KLHL23: variants seen among roughly 807,000 people sequenced by gnomAD.
KLHL23 encodes the protein kelch like family member 23.
KLHL23 carries 33 observed loss-of-function variants against 48.9 expected under a neutral mutation model. The ratio of observed to expected loss-of-function variants is 0.67; its 90% CI spans 0.51 to 0.90. The LOEUF is 0.90. KLHL23 is among the 40% of genes least tolerant of loss of function. The probability of loss-of-function intolerance (pLI) is 0.00; values close to 1 mark genes in which losing one functional copy is unlikely to be tolerated. For missense variants in KLHL23, 608 were observed against 669.6 expected (o/e 0.91, Z 1.02); for synonymous variants, 234 against 231.6 (o/e 1.01, Z -0.09).
intron 2 of KLHL23, among the ~76,000 whole-genome samples, chr2:169,738,225 G>A (rs1391649559): frequency 6.6e-6 from 1 of 151,952 alleles, no homozygotes; most frequent in Non-Finnish European, 1.5e-5. Flanking sequence ...TTTGGTGGGT[G>A]GACTCATACA....
intron 1 of KLHL23, among the ~76,000 whole-genome samples, chr2:169,734,498 T>G (rs1688464665): frequency 1.3e-5 from 2 of 152,094 alleles, no homozygotes; most frequent in African/African-American, 2.4e-5. Context: ...CGAGCTGCCT[T>G]CCTTTCTCTC....
intron 3 of KLHL23, 119 bp downstream of exon 3, chr2:169,741,656 G>C: frequency 2.4e-6 from 3 of 1,238,244 alleles, no homozygotes; most frequent in Non-Finnish European, 3.2e-6. Flanking sequence ...CACATGGGTA[G>C]AATTAAAAGT....
intron 2 of KLHL23, 27 bp downstream of exon 2, chr2:169,736,254 A>G (rs763853473): frequency 6.4e-7 from 1 of 1,564,824 alleles, no homozygotes; most frequent in Non-Finnish European, 8.6e-7. Context: ...TTTATTTTGT[A>G]TTTTTTAGAT....
At position 169,734,918 on chromosome 2, in the gene KLHL23, G is replaced by A. The variant is rs531231163; in HGVS notation, c.-2-95G>A. ...TAGATGCTGAACTTAGTCCAGTTTTGGAGTATATCCGATGATAGTCAAGTT... is the reference window on the plus strand; with the variant it reads ...TAGATGCTGAACTTAGTCCAGTTTTAGAGTATATCCGATGATAGTCAAGTT... On this transcript the variant is annotated intron_variant, in intron 1 of 3. Transcript: ENST00000392647. 5.0e-5 allele frequency: 72 copies of A among 1,445,412 alleles called. No homozygotes were observed. In the South Asian group the frequency reaches 6.4e-4, roughly 13 times the overall value. 89.5% of individuals were successfully genotyped at this position (1,445,412 alleles called of 1,614,324 possible). A position where few individuals can be genotyped will look rare whatever the true frequency, so the allele number is the denominator to read the frequency against.
chr2:169,735,904 A>G lies in KLHL23; in HGVS notation c.890A>G (p.Asn297Ser). The change falls in exon 2 of 4, where the codon AAT (asparagine) becomes AGT (serine). Residue 297 changes from asparagine to serine, a missense_variant. Transcript: ENST00000392647. The surrounding 1 kb of genome is among the most constrained non-coding windows in gnomAD (Gnocchi z 4.5). ...SEVHIWDPLT[N>S]VWIQGAEIPD... ...GTTCACATATGGGATCCTTTGACAA[A>G]TGTTTGGATTCAGGGAGCAGAAATA... 1 of 1,614,122 alleles carries G rather than the reference A, an allele frequency of 6.2e-7. No individual in the cohort carries two copies. The highest frequency in any genetic ancestry group is 8.5e-7 in the Non-Finnish European group (1 of 1,180,042).
intron 2 of KLHL23, among the ~76,000 whole-genome samples, chr2:169,740,728 G>A (rs182885460): frequency 0.024 from 3,387 of 143,956 alleles, 51 homozygotes; most frequent in East Asian, 0.066. Context: ...GATTACAGGC[G>A]TGAGCCACTG....
intron 3 of KLHL23, among the ~76,000 whole-genome samples, chr2:169,743,022 G>C (rs1179988853): frequency 3.3e-5 from 5 of 152,130 alleles, no homozygotes; most frequent in Non-Finnish European, 7.4e-5. Context: ...ATTGCCCAAG[G>C]TTAGCCAGCT....
intron 3 of KLHL23, among the ~76,000 whole-genome samples, chr2:169,747,712 A>G (rs1688828645): frequency 1.3e-5 from 2 of 152,172 alleles, no homozygotes; most frequent in African/African-American, 2.4e-5. Flanking sequence ...ACAAAGTACA[A>G]TTCATTCATT....
chr2:169,750,809 TGCTA>T lies in KLHL23; in HGVS notation c.*1081_*1084del, dbSNP rs1688955457. 1 of 152,234 alleles carries T rather than the reference TGCTA, an allele frequency of 6.6e-6. No individual in the cohort carries two copies. Among genetic ancestry groups the T allele is most frequent in the African/African-American group, 2.4e-5 (1 of 41,462 alleles). The allele number at this position is 152,234 out of a possible 1,614,324, so 9.4% of individuals were successfully genotyped here. On this transcript the variant is annotated 3_prime_UTR_variant, in exon 4 of 4. Transcript: ENST00000392647. Reference sequence around the variant, plus strand: ...TTTAATTTTCAGCTTTGATGTAAATTGCTAGCTTAGTTGTCTTTAGTTCAAGCAT... The same window carrying T: ...TTTAATTTTCAGCTTTGATGTAAATTGCTTAGTTGTCTTTAGTTCAAGCAT...
At chr2:169,745,789 G>T (rs1386503263) in intron 3 of KLHL23, among the ~76,000 whole-genome samples, 3 of 152,150 alleles carry the variant, frequency 2.0e-5, no homozygotes, top group Non-Finnish European at 4.4e-5. Context: ...GAGAGAATGA[G>T]GTATACTGAA....
At chr2:169,744,263 T>TA (rs1688739642) in intron 3 of KLHL23, among the ~76,000 whole-genome samples, 1 of 152,176 alleles carries the variant, frequency 6.6e-6, no homozygotes, top group Admixed American at 6.5e-5. Context: ...AAATTGAGAA[T>TA]AAAAAGAGTG....
chr2:169,736,097 C>T lies in KLHL23; in HGVS notation c.1083C>T (p.Tyr361=), dbSNP rs1194215624. The T allele has an allele frequency of 1.2e-6, 2 of 1,614,140 alleles. No homozygotes were observed. The part of the protein sequence containing the change: ...EGLPMLNARY[Y]HCAVTLGGCV... ...TGCCAATGCTCAATGCCAGGTATTACCACTGTGCAGTCACCTTGGGTGGCT... is the reference window on the plus strand; with the variant it reads ...TGCCAATGCTCAATGCCAGGTATTATCACTGTGCAGTCACCTTGGGTGGCT... Residue 361 remains tyrosine (Y), a synonymous_variant, in exon 2 of 4, where the codon TAC becomes TAT. Transcript: ENST00000392647.
intron 2 of KLHL23, among the ~76,000 whole-genome samples, chr2:169,740,740 G>A (rs927445678): frequency 7.5e-6 from 1 of 133,012 alleles, no homozygotes; most frequent in East Asian, 2.3e-4. Context: ...GAGCCACTGC[G>A]CCCGGCCTCT....
rs767814763 is a variant in KLHL23, at chr2:169,736,226, A to G, written c.1212A>G (p.Lys404=). Residue 404 remains lysine, a splice_region_variant and synonymous_variant, in exon 2 of 4, where the codon AAA becomes AAG. Transcript: ENST00000392647. Reference sequence around the variant, plus strand: ...GGATTCCTATTGCAAACATGATTAAAGGTAAGTGGAGATTATGTTTATTTT... The same window carrying G: ...GGATTCCTATTGCAAACATGATTAAGGGTAAGTGGAGATTATGTTTATTTT... ...EKWIPIANMI[K]GVGNATACVL... is the part of the protein sequence containing the mutation. The G allele has an allele frequency of 6.3e-7, 1 of 1,595,884 alleles. No homozygotes were observed. Among genetic ancestry groups the G allele is most frequent in the Admixed American group, 1.8e-5 (1 of 56,456 alleles).
intron 3 of KLHL23, among the ~76,000 whole-genome samples, chr2:169,748,642 C>G (rs1688862003): frequency 7.6e-6 from 1 of 131,428 alleles, no homozygotes; most frequent in Non-Finnish European, 1.6e-5. Context: ...TAGCCTCACT[C>G]TTGTCACAGC....
intron 2 of KLHL23, among the ~76,000 whole-genome samples, chr2:169,739,833 A>T (rs1266053645): frequency 6.6e-6 from 1 of 152,214 alleles, no homozygotes; most frequent in African/African-American, 2.4e-5. Context: ...AGCCTAATAC[A>T]CACCTAGGCT....
At chr2:169,739,640 T>C (rs1688626193) in intron 2 of KLHL23, among the ~76,000 whole-genome samples, 1 of 152,240 alleles carries the variant, frequency 6.6e-6, no homozygotes, top group South Asian at 2.1e-4. Context: ...TTTCTTGCCC[T>C]GACCATGCCC....
At chr2:169,737,625 T>TTTTTTC (rs1558946090) in intron 2 of KLHL23, among the ~76,000 whole-genome samples, 3 of 114,918 alleles carry the variant, frequency 2.6e-5, no homozygotes, top group Non-Finnish European at 5.9e-5. Flanking sequence ...TTTTCTTTTT[T>TTTTTTC]TTTTTTTGAG....
chr2:169,747,191 C>G (rs950162702), intron 3 of KLHL23, among the ~76,000 whole-genome samples: 5 of 151,806 alleles, frequency 3.3e-5, no homozygotes, highest in African/African-American at 7.3e-5. Context: ...TGGCAAAACC[C>G]CATCTCTATT....
Sources: gnomAD v4.1 joint callset for allele counts (sites outside exome capture counted in the v4.1 genomes callset) on GRCh38, gnomAD v4.1.1 for gene constraint, Gnocchi (gnomAD v3.1) non-coding constraint, MANE v1.5 for transcripts, NCBI Gene and HGNC (gene_info 2026-07-23, HGNC 2026-07-21) for gene names.